EXOC4: variants seen among roughly 807,000 people sequenced by gnomAD.
EXOC4 encodes exocyst complex component 4, also known as SEC8-like 1.
A neutral mutation model predicts 107.2 loss-of-function variants in EXOC4; 71 were observed. The observed-to-expected ratio is 0.66, with a 90% CI of 0.55 to 0.81. The LOEUF (loss-of-function observed/expected upper bound fraction) is 0.81, where lower values mean the gene tolerates loss of function less well. EXOC4 is among the 30% of genes least tolerant of loss of function. The pLI is 0.00. For synonymous variants in EXOC4, 456 were observed against 441.2 expected (o/e 1.03, Z -0.42); for missense variants, 1,108 against 1,189.6 (o/e 0.93, Z 1.01).
At chr7:133,577,852 C>CA (rs969778261) in intron 9 of EXOC4, among the ~76,000 whole-genome samples, 14 of 150,148 alleles carry the variant, frequency 9.3e-5, no homozygotes, top group Admixed American at 4.0e-4. Flanking sequence ...TTCTGACTTT[C>CA]AAAAAAAAAG....
At chr7:133,517,680 C>A (rs755474920) in intron 9 of EXOC4, among the ~76,000 whole-genome samples, 5 of 112,304 alleles carry the variant, frequency 4.5e-5, no homozygotes, top group Non-Finnish European at 7.5e-5. Context: ...ATGGGGAAGA[C>A]CCGCCTCCAT....
chr7:133,884,999 T>C (rs1225522709), intron 11 of EXOC4, among the ~76,000 whole-genome samples: 2 of 152,074 alleles, frequency 1.3e-5, no homozygotes, highest in African/African-American at 4.8e-5. Context: ...AAATGTTCAG[T>C]CCTTAGAACC....
chr7:133,985,269 T>C lies in EXOC4; in HGVS notation c.2207-12223T>C, dbSNP rs1422046788. Among the ~76,000 whole-genome samples, 4 of 152,314 alleles carry C rather than the reference T, an allele frequency of 2.6e-5. No individual in the cohort carries two copies. The East Asian group carries it at 7.7e-4, about 29-fold the overall frequency. ...AAAGAAAGTAGGTCTCTGCCTCCTA[T>C]ACCCAAATATAAAACATCCCCTCTG... On this transcript the variant is annotated intron_variant, in intron 14 of 17. Coordinates refer to ENST00000253861, the MANE Select transcript of EXOC4 (RefSeq NM_021807.4).
chr7:133,952,328 A>G (rs1800711971), intron 14 of EXOC4, among the ~76,000 whole-genome samples: 1 of 152,152 alleles, frequency 6.6e-6, no homozygotes, highest in Non-Finnish European at 1.5e-5. Context: ...GAATAGCTGT[A>G]GTTAAGATCT....
At chr7:133,402,042 C>T (rs1441727146) in intron 7 of EXOC4, among the ~76,000 whole-genome samples, 2 of 152,056 alleles carry the variant, frequency 1.3e-5, no homozygotes, top group Non-Finnish European at 2.9e-5. Context: ...TTGCAGAGAG[C>T]CCTTGGGGAA....
chr7:133,783,030 G>A (rs903166152), intron 10 of EXOC4, among the ~76,000 whole-genome samples: 2 of 152,136 alleles, frequency 1.3e-5, no homozygotes, highest in Non-Finnish European at 2.9e-5. Context: ...TAACATCGCC[G>A]TGCCTCATCT....
chr7:133,474,283 A>G (rs1170809765), intron 7 of EXOC4, among the ~76,000 whole-genome samples: 1 of 151,992 alleles, frequency 6.6e-6, no homozygotes, highest in African/African-American at 2.4e-5. Flanking sequence ...GATTGATTTT[A>G]TAAGTAGAAC....
chr7:133,261,815 C>A (rs918555480), intron 1 of EXOC4, among the ~76,000 whole-genome samples: 4 of 152,246 alleles, frequency 2.6e-5, no homozygotes, highest in African/African-American at 9.6e-5. Context: ...TCACTCTGGC[C>A]TGGGGGATAG....
intron 10 of EXOC4, among the ~76,000 whole-genome samples, chr7:133,661,328 C>T (rs10266435): frequency 0.4 from 60,025 of 151,866 alleles, 13,631 homozygotes; most frequent in Admixed American, 0.55. Flanking sequence ...TCTTACTGTG[C>T]GAGGTCATTG....
intron 14 of EXOC4, among the ~76,000 whole-genome samples, chr7:133,944,739 G>T (rs1800510409): frequency 6.6e-6 from 1 of 152,130 alleles, no homozygotes; most frequent in South Asian, 2.1e-4. Context: ...TTATGCAGTT[G>T]ATAATGGATT....
At chr7:134,090,359 CT>C in the EXOC4 span, among the ~76,000 whole-genome samples, 1 of 152,186 alleles carries the variant, frequency 6.6e-6, no homozygotes, top group African/African-American at 2.4e-5. Flanking sequence ...AAGTTTGTAA[CT>C]GACCAGTTTG....
chr7:133,446,884 G>C (rs1017456885), intron 7 of EXOC4, among the ~76,000 whole-genome samples: 1 of 152,128 alleles, frequency 6.6e-6, no homozygotes, highest in Non-Finnish European at 1.5e-5. Flanking sequence ...TCAAGTTCTG[G>C]CACTGGGCAT....
chr7:134,042,863 C>T lies in EXOC4; in HGVS notation c.2688-21428C>T, dbSNP rs533304976. Among the ~76,000 whole-genome samples the T allele has an allele frequency of 8.5e-5, 13 of 152,294 alleles. No homozygotes were observed. In the South Asian group the frequency reaches 2.7e-3, roughly 32 times the overall value. ...ACCAGCCTGGCCAACATGGCAAAAC[C>T]CCGTGTGTAGTAAACATGCAAAAAT... On this transcript the variant is annotated intron_variant, in intron 17 of 17. Transcript: ENST00000253861.
intron 7 of EXOC4, among the ~76,000 whole-genome samples, chr7:133,457,670 C>G (rs184894145): frequency 9.8e-5 from 15 of 152,336 alleles, no homozygotes; most frequent in African/African-American, 3.4e-4. Flanking sequence ...ACCAGGGACT[C>G]TGCCGGAAGG....
chr7:133,456,328 G>T (rs1798462378), intron 7 of EXOC4, among the ~76,000 whole-genome samples: 2 of 152,172 alleles, frequency 1.3e-5, no homozygotes, highest in Admixed American at 6.5e-5. Context: ...AAGAATGGCT[G>T]CACCAAGGTC....
In EXOC4 at chr7:133,488,875, G is replaced by T. The variant is rs543733824; in HGVS notation, c.1417+8737G>T. ...AAGGTAGTCATATAAGAAAATATTA[G>T]ATAATATATTAGAAATTAGATTATA... On this transcript the variant is annotated intron_variant, in intron 9 of 17. Coordinates refer to ENST00000253861, the MANE Select transcript of EXOC4 (RefSeq NM_021807.4). 8.6e-5 allele frequency among the ~76,000 whole-genome samples: 13 copies of T among 150,552 alleles called. No homozygotes were observed. In the South Asian group the frequency reaches 2.7e-3, roughly 31 times the overall value.
intron 5 of EXOC4, among the ~76,000 whole-genome samples, chr7:133,326,343 C>T (rs1795240186): frequency 6.6e-6 from 1 of 152,116 alleles, no homozygotes; most frequent in African/African-American, 2.4e-5. Context: ...GTGGTTTTAT[C>T]TGCCTTTGGT....
At chr7:133,463,383 A>G (rs1249979694) in intron 7 of EXOC4, among the ~76,000 whole-genome samples, 1 of 152,266 alleles carries the variant, frequency 6.6e-6, no homozygotes, top group African/African-American at 2.4e-5. Flanking sequence ...AGCATTTCCT[A>G]AACATCTGCT....
chr7:134,053,468 G>A (rs1795845467), intron 17 of EXOC4, among the ~76,000 whole-genome samples: 1 of 151,750 alleles, frequency 6.6e-6, no homozygotes, highest in Non-Finnish European at 1.5e-5. Flanking sequence ...TGTACAAATA[G>A]GAAGAGGCAG....
Sources: gnomAD v4.1 joint callset for allele counts (sites outside exome capture counted in the v4.1 genomes callset) on GRCh38, gnomAD v4.1.1 for gene constraint, MANE v1.5 for transcripts, NCBI Gene and HGNC (gene_info 2026-07-23, HGNC 2026-07-21) for gene names.